ASGR2: variants seen among roughly 807,000 people sequenced by gnomAD.
ASGR2 encodes asialoglycoprotein receptor 2.
Under a neutral mutation model 32.3 loss-of-function variants are expected in ASGR2, and 34 were observed. The ratio of observed to expected loss-of-function variants is 1.05; its 90% confidence interval spans 0.80 to 1.40. The LOEUF is 1.40. Among genes scored for constraint, ASGR2 ranks in the 40% most tolerant of loss-of-function variants. The pLI, the probability that ASGR2 is intolerant of heterozygous loss-of-function variation, is 0.00. For missense variants in ASGR2, 385 were observed against 386.4 expected (o/e 1.00, Z 0.03); for synonymous variants, 143 against 150.0 (o/e 0.95, Z 0.34).
rs370019733 is a variant in ASGR2, at chr17:7,107,193, G to A, written c.496+38C>T. The A allele has an allele frequency of 1.5e-5, 24 of 1,614,082 alleles. No homozygotes were observed. Among genetic ancestry groups the A allele is most frequent in the Non-Finnish European group, 1.9e-5 (23 of 1,180,036 alleles). ...CAGGGAGATGAGATCCAGCCGGAGGGGCAGGCACACTGGGCCTGGAGACGG... is the reference window on the plus strand; with the variant it reads ...CAGGGAGATGAGATCCAGCCGGAGGAGCAGGCACACTGGGCCTGGAGACGG... On this transcript the variant is annotated intron_variant, in intron 6 of 8. Coordinates refer to ENST00000691900, the MANE Select transcript of ASGR2 (RefSeq NM_001201352.2). This position sits in a 1 kb window ranked among gnomAD's most constrained non-coding sequence, Gnocchi z 5.0.
chr17:7,109,516 C>G (rs1420640512), intron 2 of ASGR2, among the ~76,000 whole-genome samples: 1 of 152,122 alleles, frequency 6.6e-6, no homozygotes, highest in African/African-American at 2.4e-5. Flanking sequence ...CCTCATCCCC[C>G]ACCACGCAAG....
rs1202883380 is a variant in ASGR2, at chr17:7,108,529, G to A, written c.270C>T (p.Ser90=). ...QSAQLQAELR[S]LKEAFSNFSS... ...AGAAGTTGCTGAAAGCTTCCTTCAG[G>A]CTCCGCAGCTCGGCTTGCAGCTGTG... The change falls in exon 4 of 9, where the codon AGC becomes AGT. Residue 90 remains serine (S), a synonymous_variant. Coordinates refer to ENST00000691900, the MANE Select transcript of ASGR2 (RefSeq NM_001201352.2). This position sits in a 1 kb window ranked among gnomAD's most constrained non-coding sequence, Gnocchi z 4.9. The A allele has an allele frequency of 1.2e-6, 2 of 1,609,084 alleles. No homozygotes were observed. Among genetic ancestry groups the A allele is most frequent in the Admixed American group, 3.4e-5 (2 of 59,210 alleles).
chr17:7,110,414 C>T (rs1914475775), intron 2 of ASGR2, among the ~76,000 whole-genome samples: 1 of 152,082 alleles, frequency 6.6e-6, no homozygotes, highest in Admixed American at 6.6e-5. Context: ...CTGCTGTCTT[C>T]AGCACCCTCC....
Position 7,101,752 on chromosome 17 carries a change from A to G in ASGR2, c.756-12T>C, listed in dbSNP as rs1473483702. ...TGACAGCCCAGTTCCTAAGGAGGCA[A>G]GAGAAAACTCGGACTCTGCCACGGT... On this transcript the variant is annotated splice_polypyrimidine_tract_variant and intron_variant, in intron 8 of 8. Coordinates refer to ENST00000691900, the MANE Select transcript of ASGR2 (RefSeq NM_001201352.2). The G allele has an allele frequency of 6.2e-7, 1 of 1,611,670 alleles. No homozygotes were observed. Among genetic ancestry groups the G allele is most frequent in the South Asian group, 1.1e-5 (1 of 90,968 alleles).
Position 7,114,310 on chromosome 17 carries a change from G to A in ASGR2, c.-70C>T, listed in dbSNP as rs1380946591. On this transcript the variant is annotated splice_region_variant and 5_prime_UTR_variant, in exon 2 of 9. Transcript: ENST00000691900. This position sits in a 1 kb window ranked among gnomAD's most constrained non-coding sequence, Gnocchi z 4.5. ...GGCTGAGGTTGCTCTGAGGGCTGGG[G>A]CTGGGGCAGAGGTGCAGATTCACGT... The A allele has an allele frequency of 6.3e-7, 1 of 1,588,762 alleles. No homozygotes were observed.
At chr17:7,106,830 G>C (rs1004527773) in intron 7 of ASGR2, among the ~76,000 whole-genome samples, 170 bp downstream of exon 7, 1 of 151,054 alleles carries the variant, frequency 6.6e-6, no homozygotes, top group African/African-American at 2.4e-5. Flanking sequence ...CGTGAACCCA[G>C]AAGGCGGAGC....
rs1272344718 is a variant in ASGR2, at chr17:7,107,851, G to T, written c.394C>A (p.Gln132Lys). 1 of 1,614,138 alleles carries T rather than the reference G, an allele frequency of 6.2e-7. No homozygotes were observed. Among genetic ancestry groups the T allele is most frequent in the South Asian group, 1.1e-5 (1 of 91,080 alleles). Residue 132 changes from glutamine to lysine, a missense_variant, in exon 5 of 9, where the codon CAG becomes AAG. By Grantham distance (53) the Gln-to-Lys change is moderately conservative. Coordinates refer to ENST00000691900, the MANE Select transcript of ASGR2 (RefSeq NM_001201352.2). The surrounding 1 kb of genome is among the most constrained non-coding windows in gnomAD (Gnocchi z 5.0). ...GCTCTCTGACCTGCTTTCAGGTCCT[G>T]CTGCTGTTTCTCCAGCTTGGCTCCT... ...SLGAKLEKQQQDLKADHDALL... is the reference protein window; with the variant it reads ...SLGAKLEKQQKDLKADHDALL...
intron 7 of ASGR2, among the ~76,000 whole-genome samples, chr17:7,104,838 C>T (rs1178157317): frequency 1.3e-5 from 2 of 150,652 alleles, no homozygotes; most frequent in African/African-American, 2.4e-5. Flanking sequence ...TAGCCAGGCA[C>T]GATGGCGGGT....
At chr17:7,111,877 C>T (rs1424736578) in intron 2 of ASGR2, among the ~76,000 whole-genome samples, 1 of 145,534 alleles carries the variant, frequency 6.9e-6, no homozygotes, top group Non-Finnish European at 1.5e-5. Context: ...ACCGTCTCTA[C>T]AAAAAAAAAT....
In ASGR2 at chr17:7,114,530, T is replaced by C; in HGVS notation, c.-71+85A>G. On this transcript the variant is annotated intron_variant, in intron 1 of 8. Coordinates refer to ENST00000691900, the MANE Select transcript of ASGR2 (RefSeq NM_001201352.2). The surrounding 1 kb of genome is among the most constrained non-coding windows in gnomAD (Gnocchi z 4.5). ...CTCATGGACCCGACCACCCACAGCT[T>C]CCCATGGGGTCCTCCCCATCCCTGA... 1 of 1,203,988 alleles carries C rather than the reference T, an allele frequency of 8.3e-7. No homozygotes were observed. Among genetic ancestry groups the C allele is most frequent in the Non-Finnish European group, 1.0e-6 (1 of 961,702 alleles). 74.6% of individuals were successfully genotyped at this position (1,203,988 alleles called of 1,614,324 possible).
chr17:7,112,218 T>C (rs1012924583), intron 2 of ASGR2, among the ~76,000 whole-genome samples: 1 of 115,134 alleles, frequency 8.7e-6, no homozygotes, highest in Non-Finnish European at 1.9e-5. Context: ...ACATGCATAA[T>C]TGAAATCTTT....
At chr17:7,112,033 TGA>T (rs201895927) in intron 2 of ASGR2, among the ~76,000 whole-genome samples, 6 of 7,964 alleles carry the variant, frequency 7.5e-4, no homozygotes, top group Admixed American at 1.8e-3. Context: ...CAGAGTGAGA[TGA>T]GAGAGAGAGA....
intron 2 of ASGR2, among the ~76,000 whole-genome samples, chr17:7,111,650 C>T (rs4290523): frequency 0.15 from 21,088 of 145,006 alleles, 1,869 homozygotes; most frequent in African/African-American, 0.24. Flanking sequence ...AGCGAGACTC[C>T]GCCTCCAAAA....
rs1913985615 is a variant in ASGR2, at chr17:7,107,721, A to G, written c.409+115T>C. 6 of 1,218,850 alleles carry G rather than the reference A, an allele frequency of 4.9e-6. 1 individual carries two copies. Among genetic ancestry groups the G allele is most frequent in the Non-Finnish European group, 5.9e-6 (5 of 850,228 alleles). 75.5% of individuals were successfully genotyped at this position (1,218,850 alleles called of 1,614,324 possible). ...GACACAGATACACATGCTTGCAGGC[A>G]CACACACGCACGCACGCACACGTGC... is the stretch of plus-strand genomic sequence containing the variant. On this transcript the variant is annotated intron_variant, in intron 5 of 8. Coordinates refer to ENST00000691900, the MANE Select transcript of ASGR2 (RefSeq NM_001201352.2). This position sits in a 1 kb window ranked among gnomAD's most constrained non-coding sequence, Gnocchi z 5.0.
rs142685866 is a variant in ASGR2, at chr17:7,102,104, A to G, written c.741T>C (p.Tyr247=). 9.4e-5 allele frequency: 152 copies of G among 1,613,946 alleles called. 1 individual carries two copies. In the African/African-American group the frequency reaches 1.6e-3, roughly 17 times the overall value. The change falls in exon 8 of 9, where the codon TAT becomes TAC. Residue 247 remains tyrosine, a synonymous_variant. Coordinates refer to ENST00000691900, the MANE Select transcript of ASGR2 (RefSeq NM_001201352.2). ...AGGCCACTTACTTGTAGTTGTGCCTATAGTCTGTGCCATCCACCCATTTCC... is the reference window on the plus strand; with the variant it reads ...AGGCCACTTACTTGTAGTTGTGCCTGTAGTCTGTGCCATCCACCCATTTCC... The part of the protein sequence containing the change: ...GSWKWVDGTD[Y]RHNYKNWAVT...
chr17:7,108,489 T>C lies in ASGR2; in HGVS notation c.310A>G (p.Thr104Ala). ...AFSNFSSSTL[T>A]EVQAISTHGG... ...TGGGTGCTGATTGCCTGGACCTCCGTCAGGGTGCTCGAGGAGAAGTTGCTG... is the reference window on the plus strand; with the variant it reads ...TGGGTGCTGATTGCCTGGACCTCCGCCAGGGTGCTCGAGGAGAAGTTGCTG... The change falls in exon 4 of 9, where the codon ACG (threonine) becomes GCG (alanine). Residue 104 changes from threonine to alanine, a missense_variant. Thr to Ala is a moderately conservative substitution (Grantham distance 58). Coordinates refer to ENST00000691900, the MANE Select transcript of ASGR2 (RefSeq NM_001201352.2). This position sits in a 1 kb window ranked among gnomAD's most constrained non-coding sequence, Gnocchi z 4.9. 1.2e-6 allele frequency: 2 copies of C among 1,608,144 alleles called. No homozygotes were observed. The highest frequency in any genetic ancestry group is 1.7e-6 in the Non-Finnish European group (2 of 1,177,474).
At chr17:7,109,020 A>G in intron 2 of ASGR2, 132 bp from the exon 3 acceptor site, 1 of 889,068 alleles carries the variant, frequency 1.1e-6, no homozygotes, top group Admixed American at 2.3e-5. Flanking sequence ...GGGTCATCAT[A>G]GGCTTTGACC....
chr17:7,106,989 C>T lies in ASGR2; in HGVS notation c.648+11G>A, dbSNP rs776731190. Reference sequence around the variant, plus strand: ...AGGGCTTCCTCCTGCCTGTGGGAAGCGTGGCCTCACCTGCTCCTCCCAGGA... The same window carrying T: ...AGGGCTTCCTCCTGCCTGTGGGAAGTGTGGCCTCACCTGCTCCTCCCAGGA... On this transcript the variant is annotated intron_variant, in intron 7 of 8. Coordinates refer to ENST00000691900, the MANE Select transcript of ASGR2 (RefSeq NM_001201352.2). The T allele has an allele frequency of 7.4e-6, 12 of 1,613,868 alleles. No individual in the cohort carries two copies. The South Asian group carries it at 7.7e-5, about 10-fold the overall frequency.
chr17:7,111,492 T>TA (rs1412437265), intron 2 of ASGR2, among the ~76,000 whole-genome samples: 3 of 151,468 alleles, frequency 2.0e-5, no homozygotes, highest in Admixed American at 6.6e-5. Flanking sequence ...CCATCTCTAC[T>TA]AAAAATACAA....
Sources: allele counts gnomAD v4.1 joint callset (sites outside exome capture counted in the v4.1 genomes callset), GRCh38; gene constraint gnomAD v4.1.1; non-coding constraint Gnocchi (gnomAD v3.1); transcripts MANE v1.5; gene names NCBI Gene and HGNC (gene_info 2026-07-23, HGNC 2026-07-21).